The following GGTLC2 variants were observed in gnomAD, a reference collection of about 807,000 sequenced individuals.
GGTLC2 encodes the protein glutathione hydrolase light chain 2.
In GGTLC2, 13 loss-of-function variants were observed where a neutral mutation model predicts 20.2. The ratio of observed to expected loss-of-function variants is 0.64; its 90% CI spans 0.42 to 1.02. GGTLC2 has a LOEUF of 1.02. GGTLC2 is among the 50% of genes least tolerant of loss of function. The probability of loss-of-function intolerance (pLI) is 0.00; values close to 1 mark genes in which losing one functional copy is unlikely to be tolerated. For synonymous variants in GGTLC2, 89 were observed against 125.5 expected (o/e 0.71, Z 1.94); for missense variants, 202 against 301.3 (o/e 0.67, Z 2.44).
At position 22,646,752 on chromosome 22, in the gene GGTLC2, A is replaced by T. The variant is rs756997417; in HGVS notation, c.177-2A>T. 22 of 1,609,506 alleles carry T rather than the reference A, an allele frequency of 1.4e-5. No homozygotes were observed. Among genetic ancestry groups the T allele is most frequent in the Non-Finnish European group, 8.5e-7 (1 of 1,178,084 alleles). ...GTGCTGTCTGACCTGGCTGGGCGGT[A>T]GCTTTGGCTCCAAGGTCCGCTCCCC... On this transcript the variant is annotated splice_acceptor_variant, in intron 2 of 5. Coordinates refer to ENST00000448514, the MANE Select transcript of GGTLC2 (RefSeq NM_199127.3). LOFTEE classifies it high-confidence loss of function.
chr22:22,647,531 C>T, intron 5 of GGTLC2, 64 bp from the exon 6 acceptor site: 1 of 1,607,310 alleles, frequency 6.2e-7, no homozygotes, highest in South Asian at 1.1e-5. Flanking sequence ...CCTGTGACCA[C>T]ACAGGTGTGG....
chr22:22,645,278 C>G (rs1254824386), intron 1 of GGTLC2, among the ~76,000 whole-genome samples: 1 of 151,440 alleles, frequency 6.6e-6, no homozygotes, highest in African/African-American at 2.4e-5. Context: ...CCTTGACCTC[C>G]TCATCTCCTC....
Position 22,644,897 on chromosome 22 carries a change from T to C in GGTLC2, c.-35+189T>C, listed in dbSNP as rs1283590624. Among the ~76,000 whole-genome samples, 102 of 83,010 alleles carry C rather than the reference T, an allele frequency of 1.2e-3. 4 individuals carry two copies. Among genetic ancestry groups the C allele is most frequent in the East Asian group, 6.4e-4 (1 of 1,574 alleles). 54.5% of individuals were successfully genotyped at this position (83,010 alleles called of 152,430 possible). On this transcript the variant is annotated intron_variant, in intron 1 of 5. Coordinates refer to ENST00000448514, the MANE Select transcript of GGTLC2 (RefSeq NM_199127.3). Reference sequence around the variant, plus strand: ...CAGACTCTCTCTTTTTTTTTTTTTTTTTTTTTTTTTTGAGATGGAGTCTCC... The same window carrying C: ...CAGACTCTCTCTTTTTTTTTTTTTTCTTTTTTTTTTTGAGATGGAGTCTCC...
chr22:22,645,570 T>C (rs991502840), intron 1 of GGTLC2, among the ~76,000 whole-genome samples: 103 of 151,052 alleles, frequency 6.8e-4, no homozygotes, highest in African/African-American at 2.4e-3. Context: ...TCTTGCCTGG[T>C]TGATACCCAC....
At chr22:22,645,027 G>C (rs2064003133) in intron 1 of GGTLC2, among the ~76,000 whole-genome samples, 1 of 143,260 alleles carries the variant, frequency 7.0e-6, no homozygotes, top group African/African-American at 2.6e-5. Context: ...GGAGTAGTTG[G>C]GACTACAGGC....
In GGTLC2 at chr22:22,647,832, T is replaced by C. The variant is rs1373930057; in HGVS notation, c.*91T>C. The C allele has an allele frequency of 1.3e-5, 21 of 1,587,376 alleles. No individual in the cohort carries two copies. Among genetic ancestry groups the C allele is most frequent in the Non-Finnish European group, 1.6e-5 (19 of 1,166,970 alleles). Reference sequence around the variant, plus strand: ...GACTCTGGGGGACTGGCTTCCCCTGTGAGCAGCAGAGCAGCACAATAAATG... The same window carrying C: ...GACTCTGGGGGACTGGCTTCCCCTGCGAGCAGCAGAGCAGCACAATAAATG... On this transcript the variant is annotated 3_prime_UTR_variant, in exon 6 of 6. Coordinates refer to ENST00000448514, the MANE Select transcript of GGTLC2 (RefSeq NM_199127.3).
At chr22:22,646,215 G>C (rs1264873392) in intron 1 of GGTLC2, 97 bp from the exon 2 acceptor site, 2 of 1,405,920 alleles carry the variant, frequency 1.4e-6, no homozygotes, top group Non-Finnish European at 1.9e-6. Flanking sequence ...GGGGAGCCAC[G>C]GAAGGTTGTG....
chr22:22,646,705 A>G, intron 2 of GGTLC2, 49 bp from the exon 3 acceptor site: 1 of 1,597,006 alleles, frequency 6.3e-7, no homozygotes, highest in Non-Finnish European at 8.5e-7. Flanking sequence ...GATAGGGACC[A>G]GGCTGGGCCA....
Position 22,647,218 on chromosome 22 carries a change from G to A in GGTLC2, c.438G>A (p.Arg146=), listed in dbSNP as rs1279864621. Residue 146 remains arginine, a synonymous_variant, in exon 5 of 6, where the codon CGG becomes CGA. Coordinates refer to ENST00000448514, the MANE Select transcript of GGTLC2 (RefSeq NM_199127.3). ...TCTGGTTCGGCTATGACGTGAAGCG[G>A]GCCGTGGAGGAGCCCCGGCTGCACA... ...YNLWFGYDVK[R]AVEEPRLHNQ... The A allele has an allele frequency of 6.2e-6, 10 of 1,611,302 alleles. No homozygotes were observed. The Admixed American group carries it at 1.5e-4, about 24-fold the overall frequency.
intron 5 of GGTLC2, 55 bp downstream of exon 5, chr22:22,647,345 G>A: frequency 1.2e-6 from 2 of 1,606,544 alleles, no homozygotes; most frequent in Non-Finnish European, 1.7e-6. Context: ...GGGCATCCTG[G>A]GCTGGAGGCC....
chr22:22,645,531 C>T (rs1422953814), intron 1 of GGTLC2, among the ~76,000 whole-genome samples: 1 of 151,030 alleles, frequency 6.6e-6, no homozygotes, highest in Admixed American at 6.6e-5. Flanking sequence ...ATCCTTGATT[C>T]TTCTCTTTCT....
chr22:22,644,741 G>C (rs933869387), intron 1 of GGTLC2, 33 bp downstream of exon 1: 1 of 58,734 alleles, frequency 1.7e-5, no homozygotes, highest in African/African-American at 8.3e-5. Context: ...CACAAAGGTC[G>C]CGGGAGGAAC....
chr22:22,646,099 T>C, intron 1 of GGTLC2: 3 of 1,366,372 alleles, frequency 2.2e-6, no homozygotes, highest in Non-Finnish European at 2.9e-6. Flanking sequence ...GCAGCAAGGG[T>C]CTGGAGGCTG....
At position 22,647,807 on chromosome 22, in the gene GGTLC2, G is replaced by T. The variant is rs1242703438; in HGVS notation, c.*66G>T. On this transcript the variant is annotated 3_prime_UTR_variant, in exon 6 of 6. Coordinates refer to ENST00000448514, the MANE Select transcript of GGTLC2 (RefSeq NM_199127.3). ...AGATACTCACCAGGACCAGGAAGGG[G>T]ACTCTGGGGGACTGGCTTCCCCTGT... is the stretch of plus-strand genomic sequence containing the variant. 10 of 1,595,944 alleles carry T rather than the reference G, an allele frequency of 6.3e-6. No individual in the cohort carries two copies. The Admixed American group carries it at 1.2e-4, about 19-fold the overall frequency.
rs755813700 is a variant in GGTLC2, at chr22:22,647,042, C to T, written c.360+4C>T. On this transcript the variant is annotated splice_donor_region_variant and intron_variant, in intron 4 of 5. Transcript: ENST00000448514. Reference sequence around the variant, plus strand: ...CATGGTGGGCCAGGACGGCCAGGTCCGGATGGTGGTGGGAGCTGCTGGGGG... The same window carrying T: ...CATGGTGGGCCAGGACGGCCAGGTCTGGATGGTGGTGGGAGCTGCTGGGGG... 9 of 1,611,498 alleles carry T rather than the reference C, an allele frequency of 5.6e-6. No individual in the cohort carries two copies. The highest frequency in any genetic ancestry group is 4.5e-5 in the East Asian group (2 of 44,766).
chr22:22,645,736 C>G (rs898152661), intron 1 of GGTLC2, among the ~76,000 whole-genome samples: 4 of 151,482 alleles, frequency 2.6e-5, no homozygotes, highest in African/African-American at 9.7e-5. Context: ...TGGGATGGGC[C>G]CCAGCCTGCA....
Position 22,646,772 on chromosome 22 carries a change from C to T in GGTLC2, c.195C>T (p.Arg65=), listed in dbSNP as rs1279886293. 5 of 1,610,710 alleles carry T rather than the reference C, an allele frequency of 3.1e-6. No homozygotes were observed. The highest frequency in any genetic ancestry group is 3.4e-6 in the Non-Finnish European group (4 of 1,178,572). The part of the protein sequence containing the change: ...TINLYFGSKV[R]SPVSEILFND... ...GCGGTAGCTTTGGCTCCAAGGTCCG[C>T]TCCCCGGTCAGCGAGATCCTGTTCA... Residue 65 remains arginine, a synonymous_variant, in exon 3 of 6, where the codon CGC becomes CGT. Transcript: ENST00000448514.
intron 1 of GGTLC2, chr22:22,646,021 T>C (rs2146245205): frequency 1.4e-6 from 1 of 716,204 alleles, no homozygotes; most frequent in East Asian, 4.2e-5. Flanking sequence ...CCCTGTTGAT[T>C]CCCCAGTTCC....
rs1264873392 is a variant in GGTLC2 at position 22,646,215 on chromosome 22, G to A, written c.-34-97G>A. On this transcript the variant is annotated intron_variant, in intron 1 of 5. Coordinates refer to ENST00000448514, the MANE Select transcript of GGTLC2 (RefSeq NM_199127.3). ...CTGCCCTTGGGTCCTGGGGAGCCAC[G>A]GAAGGTTGTGGGTGCCAGAGGGTTG... The A allele has an allele frequency of 1.3e-4, 177 of 1,405,914 alleles. 1 individual carries two copies. The highest frequency in any genetic ancestry group is 5.3e-4 in the East Asian group (21 of 39,390). 87.1% of individuals were successfully genotyped at this position (1,405,914 alleles called of 1,614,324 possible).
Sources: gnomAD v4.1 joint callset for allele counts (sites outside exome capture counted in the v4.1 genomes callset) on GRCh38, gnomAD v4.1.1 for gene constraint, MANE v1.5 for transcripts, NCBI Gene and HGNC (gene_info 2026-07-23, HGNC 2026-07-21) for gene names.